EID2B: variants seen among roughly 807,000 people sequenced by gnomAD.
EID2B encodes the protein EP300 interacting inhibitor of differentiation 2B.
EID2B carries 6 observed loss-of-function variants against 5.9 expected under a neutral mutation model. The ratio of observed to expected loss-of-function variants is 1.01; its 90% CI spans 0.55 to 2.00. The LOEUF is 2.00. Ranked by LOEUF, EID2B falls within the 30% of genes most tolerant of loss-of-function variation. EID2B has a pLI of 0.00. For synonymous variants in EID2B, 94 were observed against 104.2 expected, an observed-to-expected ratio of 0.90 and a Z score of 0.60; for missense variants, 234 against 228.1, an observed-to-expected ratio of 1.03 and a Z score of -0.17.
At position 39,532,831 on chromosome 19, in the gene EID2B, T is replaced by C. The variant is rs766470003; in HGVS notation, c.-29A>G. 3.1e-6 allele frequency: 5 copies of C among 1,603,632 alleles called. No homozygotes were observed. The highest frequency in any genetic ancestry group is 4.2e-6 in the Non-Finnish European group (5 of 1,179,602). ...CCCAGCGTTTCTACGGAGACTGGAA[T>C]AACGGCACTGCACTGCTGTATGCGA... On this transcript the variant is annotated 5_prime_UTR_variant, in exon 1 of 1. Coordinates refer to ENST00000326282, the MANE Select transcript of EID2B (RefSeq NM_152361.3).
In EID2B at chr19:39,532,721, C is replaced by T. The variant is rs377059957; in HGVS notation, c.82G>A (p.Val28Ile). The change falls in exon 1 of 1, where the codon GTC becomes ATC. Residue 28 changes from valine (V) to isoleucine (I), a missense_variant. Physicochemically the swap from Val to Ile is conservative, Grantham distance 29. Transcript: ENST00000326282. ...ACTGCCCCCCGCAGTACGTCGCTGACGCCACTCGCGGTGCCCACCTGTGGG... is the reference window on the plus strand; with the variant it reads ...ACTGCCCCCCGCAGTACGTCGCTGATGCCACTCGCGGTGCCCACCTGTGGG... ...SVPQVGTASGVSDVLRGAVGG... is the reference protein window; with the variant it reads ...SVPQVGTASGISDVLRGAVGG... The T allele has an allele frequency of 7.5e-6, 12 of 1,610,540 alleles. No individual in the cohort carries two copies. The African/African-American group carries it at 1.6e-4, about 21-fold the overall frequency.
In EID2B at chr19:39,532,503, C is replaced by CAGAT; in HGVS notation, c.296_299dup (p.Asp101SerfsTer4). On this transcript the variant is annotated frameshift_variant, in exon 1 of 1. Transcript: ENST00000326282. LOFTEE classifies it high-confidence loss of function. ...TGACCGGAATCATGGAGCTACCATC[C>CAGAT]AGATACTCGCGGAACAACAGCTGCC... is the stretch of plus-strand genomic sequence containing the variant. 1 of 1,614,170 alleles carries CAGAT rather than the reference C, an allele frequency of 6.2e-7. No individual in the cohort carries two copies. Among genetic ancestry groups the CAGAT allele is most frequent in the Non-Finnish European group, 8.5e-7 (1 of 1,180,042 alleles).
rs1320126186 is a variant in EID2B, at chr19:39,532,804, G to A, written c.-2C>T. On this transcript the variant is annotated 5_prime_UTR_variant, in exon 1 of 1. Transcript: ENST00000326282. ...CAACAGCCCAGTCGGCTCCGCCATA[G>A]TCCCAGCGTTTCTACGGAGACTGGA... 4 of 1,609,006 alleles carry A rather than the reference G, an allele frequency of 2.5e-6. No individual in the cohort carries two copies. In the East Asian group the frequency reaches 8.9e-5, roughly 36 times the overall value.
chr19:39,532,848 T>A lies in EID2B; in HGVS notation c.-46A>T. On this transcript the variant is annotated 5_prime_UTR_variant, in exon 1 of 1. Transcript: ENST00000326282. Reference sequence around the variant, plus strand: ...GACTGGAATAACGGCACTGCACTGCTGTATGCGAGACCTGCGCATGCGCGA... The same window carrying A: ...GACTGGAATAACGGCACTGCACTGCAGTATGCGAGACCTGCGCATGCGCGA... The A allele has an allele frequency of 6.3e-7, 1 of 1,596,170 alleles. No individual in the cohort carries two copies. The highest frequency in any genetic ancestry group is 1.1e-5 in the South Asian group (1 of 90,406).
rs377527673 is a variant in EID2B, at chr19:39,532,611, C to T, written c.192G>A (p.Val64=). The change falls in exon 1 of 1, where the codon GTG becomes GTA. Residue 64 remains valine, a synonymous_variant. Transcript: ENST00000326282. ...ARSMARMPGP[V]PGPIPSSVPG... is the part of the protein sequence containing the mutation. ...GGACGCTGCTGGGGATGGGCCCGGG[C>T]ACAGGGCCCGGCATCCGCGCCATGG... The T allele has an allele frequency of 1.6e-5, 26 of 1,610,506 alleles. No individual in the cohort carries two copies. The Middle Eastern group carries it at 5.0e-4, about 31-fold the overall frequency.
chr19:39,532,054 G>C lies in EID2B; in HGVS notation c.*263C>G. ...GCGGGAGGATCGCTCGGGTCCAAGC[G>C]TTCGGGACCAGCCTAGGGATGCGAG... is the stretch of plus-strand genomic sequence containing the variant. On this transcript the variant is annotated 3_prime_UTR_variant, in exon 1 of 1. Transcript: ENST00000326282. The C allele has an allele frequency of 2.3e-6, 1 of 443,384 alleles. No individual in the cohort carries two copies. Among genetic ancestry groups the C allele is most frequent in the Non-Finnish European group, 4.0e-6 (1 of 251,360 alleles). 27.5% of individuals were successfully genotyped at this position (443,384 alleles called of 1,614,324 possible).
In EID2B at chr19:39,532,823, G is replaced by A. The variant is rs374094786; in HGVS notation, c.-21C>T. On this transcript the variant is annotated 5_prime_UTR_variant, in exon 1 of 1. Coordinates refer to ENST00000326282, the MANE Select transcript of EID2B (RefSeq NM_152361.3). Reference sequence around the variant, plus strand: ...GCCATAGTCCCAGCGTTTCTACGGAGACTGGAATAACGGCACTGCACTGCT... The same window carrying A: ...GCCATAGTCCCAGCGTTTCTACGGAAACTGGAATAACGGCACTGCACTGCT... 3.1e-6 allele frequency: 5 copies of A among 1,605,500 alleles called. No homozygotes were observed. The highest frequency in any genetic ancestry group is 2.2e-5 in the East Asian group (1 of 44,866).
rs137996950 is a variant in EID2B at position 39,532,435 on chromosome 19, T to C, written c.368A>G (p.Glu123Gly). 6.2e-7 allele frequency: 1 copy of C among 1,614,116 alleles called. No individual in the cohort carries two copies. Among genetic ancestry groups the C allele is most frequent in the East Asian group, 2.2e-5 (1 of 44,868 alleles). The change falls in exon 1 of 1, where the codon GAA becomes GGA. Residue 123 changes from glutamate to glycine, a missense_variant. Physicochemically the swap from Glu to Gly is moderately conservative, Grantham distance 98. Transcript: ENST00000326282. ...GGCTGCTTCCCTCGCCTTGCAGCCT[T>C]CCACAAACAGCCTGCGGCGTTCCTC... is the stretch of plus-strand genomic sequence containing the variant. ...DFEERRRLFV[E>G]GCKAREAAFD... is the part of the protein sequence containing the mutation.
At position 39,532,811 on chromosome 19, in the gene EID2B, C is replaced by T. The variant is rs763735279; in HGVS notation, c.-9G>A. The stretch of plus-strand genomic sequence containing the variant: ...CCAGTCGGCTCCGCCATAGTCCCAG[C>T]GTTTCTACGGAGACTGGAATAACGG... On this transcript the variant is annotated 5_prime_UTR_variant, in exon 1 of 1. Coordinates refer to ENST00000326282, the MANE Select transcript of EID2B (RefSeq NM_152361.3). 2.6e-5 allele frequency: 41 copies of T among 1,607,650 alleles called. No individual in the cohort carries two copies. The highest frequency in any genetic ancestry group is 1.5e-4 in the South Asian group (14 of 91,008).
At position 39,532,637 on chromosome 19, in the gene EID2B, A is replaced by G; in HGVS notation, c.166T>C (p.Ser56Pro). The G allele has an allele frequency of 6.2e-7, 1 of 1,608,496 alleles. No individual in the cohort carries two copies. The highest frequency in any genetic ancestry group is 8.5e-7 in the Non-Finnish European group (1 of 1,177,486). The change falls in exon 1 of 1, where the codon TCC becomes CCC. Residue 56 changes from serine to proline, a missense_variant. Physicochemically the swap from Ser to Pro is moderately conservative, Grantham distance 74 (BLOSUM62 -1). Coordinates refer to ENST00000326282, the MANE Select transcript of EID2B (RefSeq NM_152361.3). ...REGPVAEAAR[S>P]MARMPGPVPG... ...ACAGGGCCCGGCATCCGCGCCATGG[A>G]CCGCGCAGCTTCGGCCACTGGGCCT...
rs746116428 is a variant in EID2B, at chr19:39,532,605, C to A, written c.198G>T (p.Gly66=). Residue 66 remains glycine, a synonymous_variant, in exon 1 of 1, where the codon GGG becomes GGT. Transcript: ENST00000326282. ...SMARMPGPVP[G]PIPSSVPGLA... is the part of the protein sequence containing the mutation. ...GGCCCGGGACGCTGCTGGGGATGGG[C>A]CCGGGCACAGGGCCCGGCATCCGCG... is the stretch of plus-strand genomic sequence containing the variant. 11 of 1,611,236 alleles carry A rather than the reference C, an allele frequency of 6.8e-6. No individual in the cohort carries two copies. In the South Asian group the frequency reaches 1.2e-4, roughly 18 times the overall value.
rs1473470168 is a variant in EID2B at position 39,532,335 on chromosome 19, G to C, written c.468C>G (p.Leu156=). 1.4e-5 allele frequency: 22 copies of C among 1,613,556 alleles called. No individual in the cohort carries two copies. The Admixed American group carries it at 3.7e-4, about 27-fold the overall frequency. Reference sequence around the variant, plus strand: ...AGCCGACTCAGTCGGCCAGAGGACTGAGGGCCTCGGAGGCAGTCAGCGCTA... The same window carrying C: ...AGCCGACTCAGTCGGCCAGAGGACTCAGGGCCTCGGAGGCAGTCAGCGCTA... ...FTVALTASEA[L]SPLAD The change falls in exon 1 of 1, where the codon CTC becomes CTG. Residue 156 remains leucine (L), a synonymous_variant. Coordinates refer to ENST00000326282, the MANE Select transcript of EID2B (RefSeq NM_152361.3).
Position 39,532,830 on chromosome 19 carries a change from A to C in EID2B, c.-28T>G, listed in dbSNP as rs1318962393. On this transcript the variant is annotated 5_prime_UTR_variant, in exon 1 of 1. Coordinates refer to ENST00000326282, the MANE Select transcript of EID2B (RefSeq NM_152361.3). ...TCCCAGCGTTTCTACGGAGACTGGAATAACGGCACTGCACTGCTGTATGCG... is the reference window on the plus strand; with the variant it reads ...TCCCAGCGTTTCTACGGAGACTGGACTAACGGCACTGCACTGCTGTATGCG... The C allele has an allele frequency of 6.2e-7, 1 of 1,603,972 alleles. No homozygotes were observed. The highest frequency in any genetic ancestry group is 8.5e-7 in the Non-Finnish European group (1 of 1,179,638).
Position 39,532,688 on chromosome 19 carries a change from C to A in EID2B, c.115G>T (p.Gly39Trp). 1 of 1,607,354 alleles carries A rather than the reference C, an allele frequency of 6.2e-7. No homozygotes were observed. The highest frequency in any genetic ancestry group is 2.2e-5 in the East Asian group (1 of 44,614). ...TCCCGAGCCTCCTGCACCCGAACCCCGCCGCCGACTGCCCCCCGCAGTACG... is the reference window on the plus strand; with the variant it reads ...TCCCGAGCCTCCTGCACCCGAACCCAGCCGCCGACTGCCCCCCGCAGTACG... ...SDVLRGAVGG[G>W]VRVQEAREGP... is the part of the protein sequence containing the mutation. Residue 39 changes from glycine to tryptophan, a missense_variant, in exon 1 of 1, where the codon GGG becomes TGG. By Grantham distance (184) the Gly-to-Trp change is radical. Coordinates refer to ENST00000326282, the MANE Select transcript of EID2B (RefSeq NM_152361.3).
rs773395280 is a variant in EID2B at position 39,531,566 on chromosome 19, C to T, written c.*751G>A. 12 of 152,210 alleles carry T rather than the reference C, an allele frequency of 7.9e-5. No individual in the cohort carries two copies. The highest frequency in any genetic ancestry group is 6.5e-5 in the Admixed American group (1 of 15,282). 9.4% of individuals were successfully genotyped at this position (152,210 alleles called of 1,614,324 possible). On this transcript the variant is annotated 3_prime_UTR_variant, in exon 1 of 1. Coordinates refer to ENST00000326282, the MANE Select transcript of EID2B (RefSeq NM_152361.3). ...AACAAAAAACAAGTTTATTCCACAC[C>T]TACCCAATTTCACATAGACTTGAAA...
rs1195751964 is a variant in EID2B, at chr19:39,532,021, A to G, written c.*296T>C. The G allele has an allele frequency of 1.8e-5, 6 of 336,194 alleles. No individual in the cohort carries two copies. The highest frequency in any genetic ancestry group is 2.7e-5 in the Non-Finnish European group (5 of 183,518). The allele number at this position is 336,194 out of a possible 1,614,324, so 20.8% of individuals were successfully genotyped here. On this transcript the variant is annotated 3_prime_UTR_variant, in exon 1 of 1. Coordinates refer to ENST00000326282, the MANE Select transcript of EID2B (RefSeq NM_152361.3). ...TGTAAAGTAATCCCAGCACTTTGGG[A>G]GGCCGAAGCGGGAGGATCGCTCGGG...
In EID2B at chr19:39,532,136, G is replaced by A. The variant is rs1971969182; in HGVS notation, c.*181C>T. The A allele has an allele frequency of 1.6e-5, 11 of 685,354 alleles. No individual in the cohort carries two copies. The South Asian group carries it at 2.2e-4, about 14-fold the overall frequency. The allele number at this position is 685,354 out of a possible 1,614,324, so 42.5% of individuals were successfully genotyped here. A position where few individuals can be genotyped will look rare whatever the true frequency, so the allele number is the denominator to read the frequency against. ...AGAAGAAAGAAAACAAGATTCAACA[G>A]TCTTGTCTGTTTCCATTTCGGAGTG... On this transcript the variant is annotated 3_prime_UTR_variant, in exon 1 of 1. Coordinates refer to ENST00000326282, the MANE Select transcript of EID2B (RefSeq NM_152361.3).
chr19:39,532,792 G>A lies in EID2B; in HGVS notation c.11C>T (p.Pro4Leu), dbSNP rs781632167. ...CTCGGACATCTCCAACAGCCCAGTC[G>A]GCTCCGCCATAGTCCCAGCGTTTCT... MAE[P>L]TGLLEMSELP... Residue 4 changes from proline to leucine, a missense_variant, in exon 1 of 1, where the codon CCG (proline) becomes CTG (leucine). Physicochemically the swap from Pro to Leu is moderately conservative, Grantham distance 98. Transcript: ENST00000326282. 1 of 1,610,234 alleles carries A rather than the reference G, an allele frequency of 6.2e-7. No individual in the cohort carries two copies. Among genetic ancestry groups the A allele is most frequent in the Non-Finnish European group, 8.5e-7 (1 of 1,179,896 alleles).
chr19:39,532,833 A>C lies in EID2B; in HGVS notation c.-31T>G, dbSNP rs755235421. 6.2e-7 allele frequency: 1 copy of C among 1,602,576 alleles called. No homozygotes were observed. Reference sequence around the variant, plus strand: ...CAGCGTTTCTACGGAGACTGGAATAACGGCACTGCACTGCTGTATGCGAGA... The same window carrying C: ...CAGCGTTTCTACGGAGACTGGAATACCGGCACTGCACTGCTGTATGCGAGA... On this transcript the variant is annotated 5_prime_UTR_variant, in exon 1 of 1. Coordinates refer to ENST00000326282, the MANE Select transcript of EID2B (RefSeq NM_152361.3).
Sources: gnomAD v4.1 joint callset for allele counts on GRCh38, gnomAD v4.1.1 for gene constraint, MANE v1.5 for transcripts, NCBI Gene and HGNC (gene_info 2026-07-23, HGNC 2026-07-21) for gene names.